Variants in AGBL1 observed in about 807,000 individuals in gnomAD.
AGBL1 encodes cytosolic carboxypeptidase 4.
In AGBL1, 130 loss-of-function variants were observed where a neutral mutation model predicts 118.9. The ratio of observed to expected loss-of-function variants is 1.09; its 90% CI spans 0.95 to 1.26. AGBL1 has a LOEUF of 1.26. Among genes scored for constraint, AGBL1 ranks in the 50% most tolerant of loss-of-function variants. AGBL1 has a pLI of 0.00. For synonymous variants in AGBL1, 555 were observed against 478.9 expected, an observed-to-expected ratio of 1.16 and a Z score of -2.08; for missense variants, 1,584 against 1,298.1, an observed-to-expected ratio of 1.22 and a Z score of -3.38.
At chr15:86,380,813 A>G (rs1403236727) in intron 17 of AGBL1, among the ~76,000 whole-genome samples, 4 of 152,210 alleles carry the variant, frequency 2.6e-5, no homozygotes, top group Non-Finnish European at 5.9e-5. Flanking sequence ...CTTTGGAGCC[A>G]CATCTCTTAA....
intron 19 of AGBL1, among the ~76,000 whole-genome samples, chr15:86,540,569 T>A (rs1263917533): frequency 6.6e-6 from 1 of 152,106 alleles, no homozygotes; most frequent in East Asian, 1.9e-4. Context: ...CACTCCAGTC[T>A]GAGTGAGACT....
intron 1 of AGBL1, among the ~76,000 whole-genome samples, chr15:86,094,171 C>G (rs890856726): frequency 6.6e-6 from 1 of 152,086 alleles, no homozygotes; most frequent in African/African-American, 2.4e-5. Context: ...ATAATTGACA[C>G]TATAAAGTTT....
In AGBL1 at chr15:86,780,624, A is replaced by G. The variant is rs539418016; in HGVS notation, c.3158+106188A>G. On this transcript the variant is annotated intron_variant, in intron 22 of 22. Transcript: ENST00000614907. ...AAGTTTTTTATTCTATGGCTATAAA[A>G]TATCTTTCAATTAATTGGGTCTTCT... Among the ~76,000 whole-genome samples, 6 of 151,250 alleles carry G rather than the reference A, an allele frequency of 4.0e-5. No individual in the cohort carries two copies. The South Asian group carries it at 1.1e-3, about 26-fold the overall frequency.
chr15:86,406,702 A>G (rs139632333), intron 18 of AGBL1, among the ~76,000 whole-genome samples: 1 of 152,210 alleles, frequency 6.6e-6, no homozygotes, highest in Non-Finnish European at 1.5e-5. Context: ...AGCTTTAGGT[A>G]TATCAGCTAT....
intron 23 of AGBL1, among the ~76,000 whole-genome samples, chr15:86,958,398 T>C (rs2080955770): frequency 6.6e-6 from 1 of 151,958 alleles, no homozygotes; most frequent in Admixed American, 6.6e-5. Context: ...CAGAGTTAAA[T>C]TAATTAAAAC....
intron 22 of AGBL1, among the ~76,000 whole-genome samples, chr15:86,705,953 CTT>C (rs2142663934): frequency 6.8e-6 from 1 of 146,926 alleles, no homozygotes; most frequent in South Asian, 2.2e-4. Context: ...AACCATCTCT[CTT>C]ACTTCATCTT....
rs192524715 is a variant in AGBL1, at chr15:86,260,833, C to T, written c.970-1945C>T. On this transcript the variant is annotated intron_variant, in intron 9 of 22. Coordinates refer to ENST00000614907, the MANE Select transcript of AGBL1 (RefSeq NM_001386094.1). ...GATTAGGTGGGTACCAGAATTCTAG[C>T]TGGTAAAGGACTGCCTGGGCTGCTG... 1.2e-4 allele frequency among the ~76,000 whole-genome samples: 18 copies of T among 152,280 alleles called. No individual in the cohort carries two copies. The East Asian group carries it at 3.5e-3, about 29-fold the overall frequency.
intron 22 of AGBL1, among the ~76,000 whole-genome samples, chr15:86,674,946 A>G (rs1247483053): frequency 1.3e-5 from 2 of 152,326 alleles, no homozygotes; most frequent in East Asian, 1.9e-4. Context: ...ACTCCCAGCC[A>G]TAGGAGGGAA....
rs547353177 is a variant in AGBL1 at position 86,820,392 on chromosome 15, A to T, written c.3159-86695A>T. Reference sequence around the variant, plus strand: ...GGGAGAAAATTTTTTCAATCTGTCCATCTGACAAAGGGCTAATACCCAGAA... The same window carrying T: ...GGGAGAAAATTTTTTCAATCTGTCCTTCTGACAAAGGGCTAATACCCAGAA... On this transcript the variant is annotated intron_variant, in intron 22 of 22. Coordinates refer to ENST00000614907, the MANE Select transcript of AGBL1 (RefSeq NM_001386094.1). Among the ~76,000 whole-genome samples the T allele has an allele frequency of 2.5e-3, 383 of 152,336 alleles. 1 individual carries two copies. The highest frequency in any genetic ancestry group is 9.0e-3 in the African/African-American group (374 of 41,584).
chr15:87,028,994 C>G (rs2081761674), exon 25 of AGBL1: 2 of 703,616 alleles, frequency 2.8e-6, no homozygotes, highest in Non-Finnish European at 4.6e-6. Flanking sequence ...TCTAGTATAT[C>G]TACCTCCATA....
At chr15:86,673,555 A>C (rs926441872) in intron 21 of AGBL1, among the ~76,000 whole-genome samples, 2 of 152,212 alleles carry the variant, frequency 1.3e-5, no homozygotes, top group African/African-American at 4.8e-5. Flanking sequence ...CCTTATCTGT[A>C]GAATGGAGAA....
intron 17 of AGBL1, among the ~76,000 whole-genome samples, chr15:86,330,333 G>T (rs969939273): frequency 2.0e-5 from 3 of 152,198 alleles, no homozygotes; most frequent in Admixed American, 2.0e-4. Flanking sequence ...CCTGCCGACA[G>T]ATGTGCATAA....
At chr15:86,862,847 T>A (rs909535258) in intron 22 of AGBL1, among the ~76,000 whole-genome samples, 1 of 152,194 alleles carries the variant, frequency 6.6e-6, no homozygotes, top group African/African-American at 2.4e-5. Flanking sequence ...TATGAAATTA[T>A]CAGAAGAGGA....
chr15:86,697,818 G>C (rs1305126365), intron 22 of AGBL1, among the ~76,000 whole-genome samples: 1 of 151,830 alleles, frequency 6.6e-6, no homozygotes, highest in Non-Finnish European at 1.5e-5. Context: ...CTAGAGATGT[G>C]GCTTCCTGAG....
chr15:86,497,512 T>C (rs551680677), intron 18 of AGBL1, among the ~76,000 whole-genome samples: 4 of 152,122 alleles, frequency 2.6e-5, no homozygotes, highest in African/African-American at 9.6e-5. Context: ...AACATTTCTG[T>C]TTATTTTCAC....
intron 22 of AGBL1, among the ~76,000 whole-genome samples, chr15:86,780,773 C>T (rs2078325540): frequency 6.6e-6 from 1 of 151,724 alleles, no homozygotes; most frequent in Non-Finnish European, 1.5e-5. Context: ...AAGCAATTCT[C>T]CTGCCTCAGT....
chr15:86,947,405 G>C (rs933811302), intron 23 of AGBL1, among the ~76,000 whole-genome samples: 1 of 152,036 alleles, frequency 6.6e-6, no homozygotes, highest in South Asian at 2.1e-4. Flanking sequence ...AATTGCTTTA[G>C]GTAGATTTTA....
At chr15:86,676,706 G>C (rs1485170248) in intron 22 of AGBL1, among the ~76,000 whole-genome samples, 1 of 152,058 alleles carries the variant, frequency 6.6e-6, no homozygotes, top group Admixed American at 6.6e-5. Context: ...GACATAACAG[G>C]GTTTCCAGCA....
chr15:86,336,913 T>C (rs1252482350), intron 17 of AGBL1, among the ~76,000 whole-genome samples: 1 of 152,220 alleles, frequency 6.6e-6, no homozygotes, highest in Non-Finnish European at 1.5e-5. Flanking sequence ...GCCATCTACT[T>C]CTTCATGTAT....
Sources: gnomAD v4.1 joint callset for allele counts (sites outside exome capture counted in the v4.1 genomes callset) on GRCh38, gnomAD v4.1.1 for gene constraint, MANE v1.5 for transcripts, NCBI Gene and HGNC (gene_info 2026-07-23, HGNC 2026-07-21) for gene names.